Variants in BCL7A observed in about 807,000 individuals in gnomAD.
The protein encoded by BCL7A is B-cell CLL/lymphoma 7 protein family member A.
Under a neutral mutation model 28.4 loss-of-function variants are expected in BCL7A, and 11 were observed. The ratio of observed to expected loss-of-function variants is 0.39; its 90% confidence interval spans 0.24 to 0.64. BCL7A has a LOEUF of 0.64. Ranked by LOEUF, BCL7A falls within the 30% of genes least tolerant of loss-of-function variation. BCL7A has a pLI of 0.50. For synonymous variants in BCL7A, 123 were observed against 103.3 expected, an observed-to-expected ratio of 1.19 and a Z score of -1.15; for missense variants, 222 against 274.8, an observed-to-expected ratio of 0.81 and a Z score of 1.36.
chr12:122,021,958 G>GAC lies in BCL7A; in HGVS notation c.-133_-132insCA. ...TGTGTGTGTGTGTGTGTGTGTGTGT[G>GAC]AGTGTGTGCGTGTGAGAGTGCGAGT... On this transcript the variant is annotated 5_prime_UTR_variant, in exon 1 of 6. Coordinates refer to ENST00000261822, the MANE Select transcript of BCL7A (RefSeq NM_001024808.3). 1.7e-6 allele frequency: 1 copy of GAC among 603,038 alleles called. No homozygotes were observed. 37.4% of individuals were successfully genotyped at this position (603,038 alleles called of 1,614,324 possible).
intron 1 of BCL7A, among the ~76,000 whole-genome samples, chr12:122,025,248 A>G (rs1883594865): frequency 6.6e-6 from 1 of 152,206 alleles, no homozygotes; most frequent in African/African-American, 2.4e-5. Context: ...CTGTAATCCC[A>G]GAGCTTTGGG....
intron 4 of BCL7A, among the ~76,000 whole-genome samples, chr12:122,051,292 G>T (rs371442163): frequency 1.3e-5 from 2 of 152,154 alleles, no homozygotes; most frequent in Admixed American, 6.5e-5. Context: ...CGAGCTGCCC[G>T]TGGGAAGGGC....
intron 3 of BCL7A, among the ~76,000 whole-genome samples, chr12:122,039,098 C>T (rs1593028418): frequency 1.3e-5 from 2 of 151,920 alleles, no homozygotes; most frequent in South Asian, 2.1e-4. Context: ...AGATCGAGAC[C>T]ATCCTGGCTA....
chr12:122,035,325 CT>C lies in BCL7A; in HGVS notation c.175-5del, dbSNP rs1236068070. On this transcript the variant is annotated splice_region_variant and splice_polypyrimidine_tract_variant and intron_variant, in intron 2 of 5. Transcript: ENST00000261822. ...GACTTGGTTTCTGCTCCATTTTCCCCTGCAGAAAAACAAGAATAAGAAAAAA... is the reference window on the plus strand; with the variant it reads ...GACTTGGTTTCTGCTCCATTTTCCCCGCAGAAAAACAAGAATAAGAAAAAA... 2.5e-5 allele frequency: 41 copies of C among 1,613,284 alleles called. No homozygotes were observed. Among genetic ancestry groups the C allele is most frequent in the Non-Finnish European group, 3.1e-5 (36 of 1,179,380 alleles).
chr12:122,059,963 T>G lies in BCL7A; in HGVS notation c.*800T>G, dbSNP rs76338977. 2,586 of 232,948 alleles carry G rather than the reference T, an allele frequency of 0.011. 75 individuals carry two copies. Among genetic ancestry groups the G allele is most frequent in the African/African-American group, 0.054 (2,463 of 45,384 alleles). 14.4% of individuals were successfully genotyped at this position (232,948 alleles called of 1,614,324 possible). On this transcript the variant is annotated 3_prime_UTR_variant, in exon 6 of 6. Transcript: ENST00000261822. This position sits in a 1 kb window ranked among gnomAD's most constrained non-coding sequence, Gnocchi z 4.0. ...GGCCCAGATGGACGTGCAAAGCCCTTGGAATTTTCTGGCACTTCCTCTCTA... is the reference window on the plus strand; with the variant it reads ...GGCCCAGATGGACGTGCAAAGCCCTGGGAATTTTCTGGCACTTCCTCTCTA...
In BCL7A at chr12:122,060,147, A is replaced by T. The variant is rs1175516750; in HGVS notation, c.*984A>T. On this transcript the variant is annotated 3_prime_UTR_variant, in exon 6 of 6. Transcript: ENST00000261822. ...ATTAGCTGGTGCTGAACTTTCTCTC[A>T]TAGGACGTCGCTTGGATTTCAAATC... The T allele has an allele frequency of 1.5e-4, 34 of 232,724 alleles. No individual in the cohort carries two copies. The Admixed American group carries it at 1.9e-3, about 13-fold the overall frequency. 14.4% of individuals were successfully genotyped at this position (232,724 alleles called of 1,614,324 possible). A position where few individuals can be genotyped will look rare whatever the true frequency, so the allele number is the denominator to read the frequency against.
At chr12:122,057,002 TC>T in intron 5 of BCL7A, among the ~76,000 whole-genome samples, 1 of 152,068 alleles carries the variant, frequency 6.6e-6, no homozygotes, top group Non-Finnish European at 1.5e-5. Flanking sequence ...CTATACCTAA[TC>T]CCTGCCTGCC....
In BCL7A at chr12:122,061,677, C is replaced by T. The variant is rs1951924674; in HGVS notation, c.*2514C>T. ...CCGTGGACATCAGGCCCCGTGGCCT[C>T]AAGGGCTCCCAGGGCAAACCTAATT... On this transcript the variant is annotated 3_prime_UTR_variant, in exon 6 of 6. Coordinates refer to ENST00000261822, the MANE Select transcript of BCL7A (RefSeq NM_001024808.3). 1.3e-5 allele frequency: 3 copies of T among 229,758 alleles called. No individual in the cohort carries two copies. The highest frequency in any genetic ancestry group is 3.7e-4 in the South Asian group (2 of 5,476). The allele number at this position is 229,758 out of a possible 1,614,324, so 14.2% of individuals were successfully genotyped here. A position where few individuals can be genotyped will look rare whatever the true frequency, so the allele number is the denominator to read the frequency against.
chr12:122,021,930 A>G lies in BCL7A; in HGVS notation c.-162A>G, dbSNP rs7298159. The G allele has an allele frequency of 0.69, 263,964 of 381,260 alleles. 85,384 individuals carry two copies. The highest frequency in any genetic ancestry group is 0.85 in the African/African-American group (35,123 of 41,176). The allele number at this position is 381,260 out of a possible 1,614,324, so 23.6% of individuals were successfully genotyped here. ...GGCCCCGGGCTTTGTGTGTGTGTGT[A>G]TGTGTGTGTGTGTGTGTGTGTGTGT... On this transcript the variant is annotated 5_prime_UTR_variant, in exon 1 of 6. The change abolishes an upstream ATG in the 5' untranslated region. Transcript: ENST00000261822.
At chr12:122,052,870 G>GT (rs1424218736) in intron 4 of BCL7A, among the ~76,000 whole-genome samples, 9 of 5,428 alleles carry the variant, frequency 1.7e-3, no homozygotes, top group Non-Finnish European at 4.4e-3. Context: ...TTTTTAGTCG[G>GT]GGGGGGGGGG....
At chr12:122,055,562 A>T (rs999408614) in intron 5 of BCL7A, among the ~76,000 whole-genome samples, 1 of 152,170 alleles carries the variant, frequency 6.6e-6, no homozygotes, top group Non-Finnish European at 1.5e-5. Flanking sequence ...GAGCGGACAC[A>T]AGATGCAGAG....
intron 4 of BCL7A, among the ~76,000 whole-genome samples, chr12:122,049,521 A>G (rs982216951): frequency 6.6e-5 from 10 of 152,054 alleles, no homozygotes; most frequent in Middle Eastern, 3.2e-3. Context: ...ATCTCTACTA[A>G]AAATACAAAA....
rs778224682 is a variant in BCL7A, at chr12:122,061,396, G to A, written c.*2233G>A. ...AAGTGCCTGAAGGTAGGAATGGGCCGGCGATTGGGACCAGCTGGGCCCCAC... is the reference window on the plus strand; with the variant it reads ...AAGTGCCTGAAGGTAGGAATGGGCCAGCGATTGGGACCAGCTGGGCCCCAC... On this transcript the variant is annotated 3_prime_UTR_variant, in exon 6 of 6. Coordinates refer to ENST00000261822, the MANE Select transcript of BCL7A (RefSeq NM_001024808.3). 1.7e-5 allele frequency: 4 copies of A among 231,720 alleles called. No individual in the cohort carries two copies. The highest frequency in any genetic ancestry group is 3.4e-5 in the Non-Finnish European group (4 of 117,160). The allele number at this position is 231,720 out of a possible 1,614,324, so 14.4% of individuals were successfully genotyped here.
rs1440286388 is a variant in BCL7A, at chr12:122,043,978, G to A, written c.364G>A (p.Ala122Thr). 1 of 1,613,812 alleles carries A rather than the reference G, an allele frequency of 6.2e-7. No individual in the cohort carries two copies. The highest frequency in any genetic ancestry group is 1.3e-5 in the African/African-American group (1 of 74,916). The change falls in exon 4 of 6, where the codon GCT becomes ACT. Residue 122 changes from alanine (A) to threonine (T), a missense_variant. Coordinates refer to ENST00000261822, the MANE Select transcript of BCL7A (RefSeq NM_001024808.3). The stretch of plus-strand genomic sequence containing the variant: ...CAGCCCCGCTCCAGAGCCCAACTCG[G>A]CTGTGCCCAGCGACGGCACCGAGGC... ...NSSPAPEPNS[A>T]VPSDGTEAKV...
At chr12:122,049,017 TAAAAAAA>T (rs60471036) in intron 4 of BCL7A, among the ~76,000 whole-genome samples, 248 of 90,400 alleles carry the variant, frequency 2.7e-3, no homozygotes, top group Middle Eastern at 0.016. Context: ...GTGAAACGTG[TAAAAAAA>T]AAAAAAAAAA....
At chr12:122,024,644 T>TG (rs560342523) in intron 1 of BCL7A, among the ~76,000 whole-genome samples, 91 of 152,068 alleles carry the variant, frequency 6.0e-4, no homozygotes, top group South Asian at 2.1e-3. Context: ...TCACCACTGG[T>TG]GGGGGGGTGG....
chr12:122,047,379 C>T (rs1884098520), intron 4 of BCL7A, among the ~76,000 whole-genome samples: 1 of 151,856 alleles, frequency 6.6e-6, no homozygotes. Context: ...AAAAAATTAT[C>T]CGGGCATGGT....
In BCL7A at chr12:122,045,411, G is replaced by A. The variant is rs1031127440; in HGVS notation, c.439+1358G>A. Among the ~76,000 whole-genome samples, 22 of 152,076 alleles carry A rather than the reference G, an allele frequency of 1.4e-4. No homozygotes were observed. The East Asian group carries it at 1.5e-3, about 11-fold the overall frequency. On this transcript the variant is annotated intron_variant, in intron 4 of 5. Transcript: ENST00000261822. ...AATTTTAAAAAGTTAATAATAATAC[G>A]GGGTCAGACAGCAGGCAGCGCCTCA...
chr12:122,061,575 C>G lies in BCL7A; in HGVS notation c.*2412C>G. The G allele has an allele frequency of 4.4e-6, 1 of 225,840 alleles. No individual in the cohort carries two copies. Among genetic ancestry groups the G allele is most frequent in the African/African-American group, 2.2e-5 (1 of 44,784 alleles). 14.0% of individuals were successfully genotyped at this position (225,840 alleles called of 1,614,324 possible). A position where few individuals can be genotyped will look rare whatever the true frequency, so the allele number is the denominator to read the frequency against. On this transcript the variant is annotated 3_prime_UTR_variant, in exon 6 of 6. Transcript: ENST00000261822. ...GCTGCCCCCCACCCACCCTGCACCC[C>G]TCGCCCTCCCCCCACCACAGAATCT...
Sources: gnomAD v4.1 joint callset for allele counts (sites outside exome capture counted in the v4.1 genomes callset) on GRCh38, gnomAD v4.1.1 for gene constraint, Gnocchi (gnomAD v3.1) non-coding constraint, MANE v1.5 for transcripts, NCBI Gene and HGNC (gene_info 2026-07-23, HGNC 2026-07-21) for gene names.